Variants in DCC observed in about 807,000 individuals in gnomAD.
The protein encoded by DCC is DCC netrin 1 receptor.
A neutral mutation model predicts 172.5 loss-of-function variants in DCC; 58 were observed. That is an observed-to-expected ratio of 0.34 (90% CI 0.27 to 0.42). DCC has a LOEUF of 0.42. DCC is among the 10% of genes least tolerant of loss of function. The pLI is 1.00. For synonymous variants in DCC, 709 were observed against 644.5 expected, an observed-to-expected ratio of 1.10 and a Z score of -1.52; for missense variants, 1,740 against 1,791.0, an observed-to-expected ratio of 0.97 and a Z score of 0.51.
intron 1 of DCC, among the ~76,000 whole-genome samples, chr18:52,609,412 G>A (rs1333302299): frequency 1.3e-5 from 1 of 78,188 alleles, no homozygotes; most frequent in Non-Finnish European, 3.3e-5. Flanking sequence ...AGTATGCCGG[G>A]TGGCTTAAGC....
At chr18:52,985,248 A>G (rs978670385) in intron 5 of DCC, among the ~76,000 whole-genome samples, 10 of 151,816 alleles carry the variant, frequency 6.6e-5, no homozygotes, top group Admixed American at 2.6e-4. Context: ...TTCATTTTTG[A>G]TATTCATAAG....
At chr18:53,516,012 A>G (rs1168578529) in intron 27 of DCC, among the ~76,000 whole-genome samples, 1 of 148,632 alleles carries the variant, frequency 6.7e-6, no homozygotes, top group Non-Finnish European at 1.5e-5. Flanking sequence ...AGCCAAAAGA[A>G]CAAAGCTGGA....
At chr18:52,821,620 T>C (rs369200542) in intron 2 of DCC, among the ~76,000 whole-genome samples, 21 of 152,018 alleles carry the variant, frequency 1.4e-4, no homozygotes, top group African/African-American at 5.1e-4. Flanking sequence ...GTGACCTGCA[T>C]CTTGGGAAAT....
At chr18:53,351,400 T>TATATATATATACACA (rs2057803696) in intron 15 of DCC, among the ~76,000 whole-genome samples, 1 of 10,476 alleles carries the variant, frequency 9.5e-5, no homozygotes, top group Non-Finnish European at 1.7e-4. Context: ...ATATATACAG[T>TATATATATATACACA]GTATATATAT....
chr18:53,403,581 T>C (rs544857148), intron 19 of DCC, among the ~76,000 whole-genome samples: 1 of 152,234 alleles, frequency 6.6e-6, no homozygotes, highest in Non-Finnish European at 1.5e-5. Context: ...ACTTTAGGCT[T>C]TTAATAGATG....
chr18:53,234,205 G>A (rs930939495), intron 12 of DCC, among the ~76,000 whole-genome samples: 25 of 151,834 alleles, frequency 1.6e-4, no homozygotes, highest in African/African-American at 4.8e-4. Flanking sequence ...AACTGAAATC[G>A]CACCATCGCA....
At chr18:53,266,309 C>T (rs2056673705) in intron 12 of DCC, among the ~76,000 whole-genome samples, 1 of 152,164 alleles carries the variant, frequency 6.6e-6, no homozygotes, top group African/African-American at 2.4e-5. Context: ...AATAGATGCT[C>T]TATAAATATT....
At position 53,051,838 on chromosome 18, in the gene DCC, G is replaced by A. The variant is rs372693203; in HGVS notation, c.986-11467G>A. On this transcript the variant is annotated intron_variant, in intron 5 of 28. Coordinates refer to ENST00000442544, the MANE Select transcript of DCC (RefSeq NM_005215.4). ...TATATCTCTATCTTTTGAGATTTAT[G>A]TACTCAGTTTCCCGGAAACACAGTC... Among the ~76,000 whole-genome samples, 3 of 151,884 alleles carry A rather than the reference G, an allele frequency of 2.0e-5. No individual in the cohort carries two copies. In the East Asian group the frequency reaches 5.8e-4, roughly 30 times the overall value.
intron 12 of DCC, among the ~76,000 whole-genome samples, chr18:53,295,029 GA>G (rs2057049578): frequency 6.6e-6 from 1 of 152,062 alleles, no homozygotes; most frequent in Admixed American, 6.5e-5. Flanking sequence ...TTCAATTTAA[GA>G]CATCTCCATA....
chr18:52,358,477 G>T (rs543784211), intron 1 of DCC, among the ~76,000 whole-genome samples: 1 of 152,284 alleles, frequency 6.6e-6, no homozygotes, highest in Admixed American at 6.5e-5. Context: ...TTAATTCAGA[G>T]AGTACTTATA....
intron 1 of DCC, among the ~76,000 whole-genome samples, chr18:52,716,116 A>T (rs962740688): frequency 6.6e-6 from 1 of 152,040 alleles, no homozygotes; most frequent in African/African-American, 2.4e-5. Flanking sequence ...CTGTTTTCTG[A>T]CTCATTCCTC....
chr18:52,756,170 C>G (rs779512228), intron 2 of DCC, among the ~76,000 whole-genome samples: 43 of 152,310 alleles, frequency 2.8e-4, no homozygotes, highest in East Asian at 2.3e-3. Flanking sequence ...CCAATTAGCT[C>G]TAATCTAAAA....
intron 1 of DCC, among the ~76,000 whole-genome samples, chr18:52,706,049 A>G (rs994979843): frequency 2.6e-5 from 4 of 152,168 alleles, no homozygotes; most frequent in African/African-American, 7.2e-5. Context: ...AGCATTGTAG[A>G]AACATGTTGA....
Position 52,497,260 on chromosome 18 carries a change from C to CAAA in DCC, c.91+156401_91+156403dup, listed in dbSNP as rs111476286. 2.0e-3 allele frequency among the ~76,000 whole-genome samples: 109 copies of CAAA among 53,912 alleles called. 9 individuals are homozygous for CAAA. Among genetic ancestry groups the CAAA allele is most frequent in the South Asian group, 3.1e-3 (4 of 1,274 alleles). The allele number at this position is 53,912 out of a possible 152,430, so 35.4% of individuals were successfully genotyped here. On this transcript the variant is annotated intron_variant, in intron 1 of 28. Transcript: ENST00000442544. Reference sequence around the variant, plus strand: ...TGGGTAACAGAGTGAGACCCTGTATCAAAAAAAAAAAAAAAAAAAAATATA... The same window carrying CAAA: ...TGGGTAACAGAGTGAGACCCTGTATCAAAAAAAAAAAAAAAAAAAAAAAATATA...
intron 5 of DCC, among the ~76,000 whole-genome samples, chr18:52,946,536 C>T (rs542317228): frequency 1.3e-5 from 2 of 152,032 alleles, no homozygotes; most frequent in African/African-American, 4.8e-5. Context: ...GGATTTAGAT[C>T]GTAGATTGGG....
In DCC at chr18:53,415,032, C is replaced by T. The variant is rs1035255206; in HGVS notation, c.3131-1092C>T. ...ACCCTGTTCATCTGAAAGGGGCTTT[C>T]GTTAACAGAATCAATATCTACGTAT... On this transcript the variant is annotated intron_variant, in intron 20 of 28. Coordinates refer to ENST00000442544, the MANE Select transcript of DCC (RefSeq NM_005215.4). Among the ~76,000 whole-genome samples the T allele has an allele frequency of 3.9e-5, 6 of 152,110 alleles. No individual in the cohort carries two copies. In the South Asian group the frequency reaches 8.3e-4, roughly 21 times the overall value.
At chr18:53,018,276 G>A (rs756850691) in intron 5 of DCC, among the ~76,000 whole-genome samples, 1 of 152,128 alleles carries the variant, frequency 6.6e-6, no homozygotes, top group Non-Finnish European at 1.5e-5. Flanking sequence ...AATAAATACT[G>A]ACATTATAGA....
chr18:52,640,537 C>G (rs1011829183), intron 1 of DCC, among the ~76,000 whole-genome samples: 1 of 151,800 alleles, frequency 6.6e-6, no homozygotes, highest in Non-Finnish European at 1.5e-5. Flanking sequence ...TTAATGTACA[C>G]AAATTAGTAG....
intron 7 of DCC, among the ~76,000 whole-genome samples, chr18:53,080,859 A>G (rs1568290486): frequency 6.6e-6 from 1 of 152,076 alleles, no homozygotes; most frequent in African/African-American, 2.4e-5. Flanking sequence ...AGAGTGTGAC[A>G]GGGCCTTATC....
Sources: gnomAD v4.1 joint callset for allele counts (sites outside exome capture counted in the v4.1 genomes callset) on GRCh38, gnomAD v4.1.1 for gene constraint, MANE v1.5 for transcripts, NCBI Gene and HGNC (gene_info 2026-07-23, HGNC 2026-07-21) for gene names.